TMEM217B: variants seen among roughly 807,000 people sequenced by gnomAD.
The protein encoded by TMEM217B is transmembrane protein 217B.
the TMEM217B span, among the ~76,000 whole-genome samples, chr6:37,216,988 C>A: frequency 8.5e-5 from 13 of 152,254 alleles, no homozygotes; most frequent in African/African-American, 2.4e-4. Context: ...AATCTCAGCT[C>A]TTTATAAATT....
the TMEM217B span, among the ~76,000 whole-genome samples, chr6:37,238,398 G>A: frequency 6.6e-6 from 1 of 152,172 alleles, no homozygotes; most frequent in Non-Finnish European, 1.5e-5. Flanking sequence ...AGCAGACACC[G>A]TTAGCTTCCT....
chr6:37,223,879 T>C, the TMEM217B span, among the ~76,000 whole-genome samples: 10 of 151,764 alleles, frequency 6.6e-5, no homozygotes, highest in African/African-American at 2.4e-4. Context: ...AATGGAGTAA[T>C]GCAATCATAG....
the TMEM217B span, among the ~76,000 whole-genome samples, chr6:37,225,879 C>T: frequency 6.6e-6 from 1 of 151,990 alleles, no homozygotes; most frequent in East Asian, 1.9e-4. Flanking sequence ...CTCACCTTCT[C>T]CCTTTCCCCC....
At chr6:37,217,944 AACT>A in the TMEM217B span, 2 of 986,994 alleles carry the variant, frequency 2.0e-6, no homozygotes, top group Non-Finnish European at 2.4e-6. Flanking sequence ...AATATCCTTT[AACT>A]AAATACCCTC....
chr6:37,221,568 T>G, the TMEM217B span, among the ~76,000 whole-genome samples: 1 of 152,198 alleles, frequency 6.6e-6, no homozygotes, highest in African/African-American at 2.4e-5. Flanking sequence ...TGTTATAGAA[T>G]GTGTCAGAAT....
chr6:37,250,818 T>C, the TMEM217B span, among the ~76,000 whole-genome samples: 5 of 152,274 alleles, frequency 3.3e-5, no homozygotes, highest in Admixed American at 3.3e-4. Flanking sequence ...GTCTATTCTA[T>C]TTCATTAAAG....
the TMEM217B span, among the ~76,000 whole-genome samples, chr6:37,240,146 T>C: frequency 6.6e-5 from 10 of 152,346 alleles, no homozygotes; most frequent in South Asian, 1.7e-3. Flanking sequence ...TAGTCACTAT[T>C]GCTCTGTAAC....
At chr6:37,226,847 T>C in the TMEM217B span, among the ~76,000 whole-genome samples, 4 of 152,154 alleles carry the variant, frequency 2.6e-5, no homozygotes, top group African/African-American at 9.6e-5. Context: ...ATTACAGGTG[T>C]GAGCCACGGC....
At chr6:37,257,485 T>G in the TMEM217B span, 1 of 174,272 alleles carries the variant, frequency 5.7e-6, no homozygotes, top group Non-Finnish European at 1.2e-5. Flanking sequence ...TGTTCTCTCT[T>G]GCCAAGAAAT....
At chr6:37,224,083 C>T in the TMEM217B span, among the ~76,000 whole-genome samples, 1 of 151,418 alleles carries the variant, frequency 6.6e-6, no homozygotes, top group African/African-American at 2.4e-5. Context: ...ACTACAGGCG[C>T]CCACCACCAT....
the TMEM217B span, among the ~76,000 whole-genome samples, chr6:37,247,015 A>G: frequency 6.6e-6 from 1 of 152,182 alleles, no homozygotes; most frequent in South Asian, 2.1e-4. Flanking sequence ...AGCAGAAGCC[A>G]TTTAATAGAT....
At chr6:37,218,671 G>A in the TMEM217B span, 14 of 1,613,982 alleles carry the variant, frequency 8.7e-6, no homozygotes, top group Non-Finnish European at 1.2e-5. Context: ...CCTCTTTAAT[G>A]TCAAAGTCAT....
At chr6:37,227,041 C>A in the TMEM217B span, among the ~76,000 whole-genome samples, 85 of 152,286 alleles carry the variant, frequency 5.6e-4, no homozygotes, top group African/African-American at 1.9e-3. Context: ...TTTGCCCAGG[C>A]CTGTATATCT....
chr6:37,233,871 T>C, the TMEM217B span, among the ~76,000 whole-genome samples: 1 of 152,222 alleles, frequency 6.6e-6, no homozygotes, highest in African/African-American at 2.4e-5. Flanking sequence ...AAAAGTGATA[T>C]GCATTCAGTA....
the TMEM217B span, among the ~76,000 whole-genome samples, chr6:37,253,246 T>C: frequency 6.6e-6 from 1 of 152,250 alleles, no homozygotes; most frequent in Non-Finnish European, 1.5e-5. Context: ...CTTCTTCTCA[T>C]GTTTAAATCT....
chr6:37,236,693 A>G, the TMEM217B span, among the ~76,000 whole-genome samples: 1 of 151,294 alleles, frequency 6.6e-6, no homozygotes, highest in South Asian at 2.1e-4. Context: ...ATTAATTTCT[A>G]TAACAAATTA....
At chr6:37,222,226 G>A in the TMEM217B span, among the ~76,000 whole-genome samples, 1 of 152,194 alleles carries the variant, frequency 6.6e-6, no homozygotes, top group Non-Finnish European at 1.5e-5. Flanking sequence ...CCTGGCCCCA[G>A]CCTTCAGGCT....
At chr6:37,215,308 T>G in the TMEM217B span, 1 of 1,607,762 alleles carries the variant, frequency 6.2e-7, no homozygotes, top group Non-Finnish European at 8.5e-7. Context: ...AACAAATGAA[T>G]AAAAATTGTT....
the TMEM217B span, among the ~76,000 whole-genome samples, chr6:37,251,660 C>A: frequency 4.6e-5 from 7 of 152,150 alleles, no homozygotes; most frequent in Non-Finnish European, 8.8e-5. Flanking sequence ...CTAAAACATG[C>A]ATGGGAATGC....
Sources: gnomAD v4.1 joint callset for allele counts (sites outside exome capture counted in the v4.1 genomes callset) on GRCh38, gnomAD v4.1.1 for gene constraint, MANE v1.5 for transcripts, NCBI Gene and HGNC (gene_info 2026-07-23, HGNC 2026-07-21) for gene names.